The following KCTD1 variants were observed in gnomAD, a reference collection of about 807,000 sequenced individuals.
KCTD1 encodes BTB/POZ domain-containing protein KCTD1.
In KCTD1, 24 loss-of-function variants were observed where a neutral mutation model predicts 66.0. The observed-to-expected ratio is 0.36, with a 90% CI of 0.26 to 0.51. The LOEUF is 0.51. Ranked by LOEUF, KCTD1 falls within the 20% of genes least tolerant of loss-of-function variation. The pLI, the probability that KCTD1 is intolerant of heterozygous loss-of-function variation, is 0.95. For missense variants in KCTD1, 943 were observed against 1,205.2 expected (o/e 0.78, Z 3.22); for synonymous variants, 511 against 517.2 (o/e 0.99, Z 0.16).
chr18:26,544,741 C>G (rs1321305567), intron 1 of KCTD1: 1 of 152,196 alleles, frequency 6.6e-6, no homozygotes, highest in Non-Finnish European at 1.5e-5. Context: ...TTGCTCTCAG[C>G]TTTCTACTGA....
At chr18:26,536,497 A>C (rs1359065089) in intron 1 of KCTD1, among the ~76,000 whole-genome samples, 2 of 152,184 alleles carry the variant, frequency 1.3e-5, no homozygotes, top group African/African-American at 4.8e-5. Flanking sequence ...CCATACATGC[A>C]CTTCAGGTTT....
At chr18:26,653,838 G>T (rs1022360124) in intron 1 of KCTD1, among the ~76,000 whole-genome samples, 1 of 152,172 alleles carries the variant, frequency 6.6e-6, no homozygotes, top group Non-Finnish European at 1.5e-5. Context: ...ATTAAAATAA[G>T]CATACATGCT....
At chr18:26,459,312 C>T (rs1980274761) in intron 4 of KCTD1, 1 of 295,442 alleles carries the variant, frequency 3.4e-6, no homozygotes, top group Non-Finnish European at 6.3e-6. Context: ...TGAACCTGAA[C>T]TCCTGGGCTC....
At chr18:26,505,683 A>G (rs139116659) in intron 1 of KCTD1, among the ~76,000 whole-genome samples, 1 of 152,232 alleles carries the variant, frequency 6.6e-6, no homozygotes, top group East Asian at 1.9e-4. Context: ...CAGTCTCCCA[A>G]GTAGCTAGGA....
chr18:26,652,318 G>A (rs551933992), intron 1 of KCTD1, among the ~76,000 whole-genome samples: 1 of 152,252 alleles, frequency 6.6e-6, no homozygotes, highest in African/African-American at 2.4e-5. Flanking sequence ...TTTGCCCTCA[G>A]GGCCATCCAC....
At chr18:26,617,908 G>C (rs1195487240) in intron 1 of KCTD1, among the ~76,000 whole-genome samples, 1 of 150,252 alleles carries the variant, frequency 6.7e-6, no homozygotes, top group Non-Finnish European at 1.5e-5. Context: ...GTAAGGGAGG[G>C]AGAGGGAAAC....
In KCTD1 at chr18:26,629,145, A is replaced by G. The variant is rs1987564894; in HGVS notation, c.-16+2T>C. ...GGAGGAAGTGTGGAAGGGTTTTCTT[A>G]CTTTTGGTGATGGATTTGCCTTTAT... On this transcript the variant is annotated splice_donor_variant, in intron 1 of 4. Transcript: ENST00000317932. LOFTEE classifies it low-confidence loss of function (5UTR_SPLICE). 1.0e-6 allele frequency: 1 copy of G among 983,292 alleles called. No individual in the cohort carries two copies. Among genetic ancestry groups the G allele is most frequent in the African/African-American group, 1.7e-5 (1 of 57,170 alleles). 60.9% of individuals were successfully genotyped at this position (983,292 alleles called of 1,614,324 possible).
At chr18:26,459,583 G>A (rs771734713) in intron 4 of KCTD1, 37 bp downstream of exon 4, 3 of 1,530,084 alleles carry the variant, frequency 2.0e-6, no homozygotes, top group Non-Finnish European at 2.6e-6. Flanking sequence ...CAGTAAGAGT[G>A]GCATTTGATG....
intron 2 of KCTD1, among the ~76,000 whole-genome samples, chr18:26,498,670 C>T (rs928525646): frequency 3.3e-5 from 5 of 151,830 alleles, no homozygotes; most frequent in African/African-American, 1.2e-4. Context: ...CTATTTAAAG[C>T]GCTCAATAGC....
intron 1 of KCTD1, among the ~76,000 whole-genome samples, chr18:26,610,247 T>G (rs1205461413): frequency 1.3e-5 from 2 of 152,134 alleles, no homozygotes; most frequent in Non-Finnish European, 2.9e-5. Flanking sequence ...TTTTTCCTTA[T>G]GAATAAACAA....
chr18:26,655,938 CT>C, intron 1 of KCTD1: 1 of 152,394 alleles, frequency 6.6e-6, no homozygotes, highest in Non-Finnish European at 1.5e-5. Flanking sequence ...CCACCCCGTT[CT>C]TTTTCCAGGA....
chr18:26,489,742 G>T (rs1429804270), intron 2 of KCTD1, among the ~76,000 whole-genome samples: 1 of 152,170 alleles, frequency 6.6e-6, no homozygotes, highest in East Asian at 1.9e-4. Context: ...AGGTATCCTT[G>T]AAAGAAGATG....
At chr18:26,650,908 C>G (rs1988018422) in intron 1 of KCTD1, among the ~76,000 whole-genome samples, 1 of 152,218 alleles carries the variant, frequency 6.6e-6, no homozygotes, top group African/African-American at 2.4e-5. Flanking sequence ...CTCTTCAGTT[C>G]ATAACTCTTC....
intron 1 of KCTD1, chr18:26,600,175 G>A: frequency 1.9e-6 from 3 of 1,603,960 alleles, no homozygotes; most frequent in South Asian, 1.1e-5. Context: ...CAAAGAACTG[G>A]AAAAAGAGAA....
chr18:26,510,927 A>C (rs1179531965), intron 1 of KCTD1, among the ~76,000 whole-genome samples: 1 of 152,236 alleles, frequency 6.6e-6, no homozygotes, highest in Non-Finnish European at 1.5e-5. Flanking sequence ...TACAATAAAA[A>C]ATTCTAGCAT....
At chr18:26,466,958 G>A (rs1036098512) in intron 3 of KCTD1, among the ~76,000 whole-genome samples, 13 of 152,146 alleles carry the variant, frequency 8.5e-5, no homozygotes, top group Admixed American at 7.9e-4. Flanking sequence ...AGTTGTAAAG[G>A]GCATTGTGGA....
intron 4 of KCTD1, chr18:26,459,123 G>A (rs1980263676): frequency 6.5e-6 from 1 of 153,310 alleles, no homozygotes; most frequent in African/African-American, 2.4e-5. Flanking sequence ...AGCCAAACTG[G>A]CTTTCCTGAT....
At chr18:26,494,638 ATTTACTC>A (rs1982373225) in intron 2 of KCTD1, among the ~76,000 whole-genome samples, 1 of 152,246 alleles carries the variant, frequency 6.6e-6, no homozygotes, top group Admixed American at 6.5e-5. Flanking sequence ...CAACCATTTC[ATTTACTC>A]TTTACCTATA....
intron 1 of KCTD1, among the ~76,000 whole-genome samples, chr18:26,515,509 CTTTTTTT>C (rs11389627): frequency 2.2e-3 from 296 of 133,112 alleles, no homozygotes; most frequent in Admixed American, 4.7e-3. Flanking sequence ...CCTCTTTTTT[CTTTTTTT>C]TTTTTTTTTG....
Sources: gnomAD v4.1 joint callset for allele counts (sites outside exome capture counted in the v4.1 genomes callset) on GRCh38, gnomAD v4.1.1 for gene constraint, MANE v1.5 for transcripts, NCBI Gene and HGNC (gene_info 2026-07-23, HGNC 2026-07-21) for gene names.